Variants in ADCY1 observed in about 807,000 individuals in gnomAD.
The protein encoded by ADCY1 is adenylate cyclase type 1.
Under a neutral mutation model 105.4 loss-of-function variants are expected in ADCY1, and 28 were observed. The ratio of observed to expected loss-of-function variants is 0.27; its 90% confidence interval spans 0.20 to 0.36. ADCY1 has a LOEUF of 0.36. Ranked by LOEUF, ADCY1 falls within the 10% of genes least tolerant of loss-of-function variation. The probability of loss-of-function intolerance (pLI) is 1.00; values close to 1 mark genes in which losing one functional copy is unlikely to be tolerated. For synonymous variants in ADCY1, 655 were observed against 623.8 expected, an observed-to-expected ratio of 1.05 and a Z score of -0.75; for missense variants, 977 against 1,434.2, an observed-to-expected ratio of 0.68 and a Z score of 5.15.
chr7:45,679,621 G>T, intron 10 of ADCY1, 88 bp from the exon 11 acceptor site: 1 of 1,320,622 alleles, frequency 7.6e-7, no homozygotes. Flanking sequence ...CAGGGGATGT[G>T]GAGGGAGGGG....
At chr7:45,699,428 A>T (rs559818011) in intron 14 of ADCY1, among the ~76,000 whole-genome samples, 106 of 152,310 alleles carry the variant, frequency 7.0e-4, no homozygotes, top group Non-Finnish European at 1.3e-3. Context: ...AACGCAGATA[A>T]CTGCTCAAGG....
chr7:45,651,715 T>C (rs1188326303), intron 5 of ADCY1, among the ~76,000 whole-genome samples: 6 of 152,214 alleles, frequency 3.9e-5, no homozygotes, highest in Admixed American at 2.0e-4. Flanking sequence ...GAGCGGGCCA[T>C]GCCCCAAGAC....
chr7:45,704,894 C>T (rs1459615380), intron 17 of ADCY1, among the ~76,000 whole-genome samples: 2 of 151,920 alleles, frequency 1.3e-5, no homozygotes, highest in South Asian at 2.1e-4. Context: ...TCCATTACCT[C>T]CCGCACTGGC....
At chr7:45,628,130 C>G (rs1794117521) in intron 4 of ADCY1, among the ~76,000 whole-genome samples, 1 of 152,204 alleles carries the variant, frequency 6.6e-6, no homozygotes, top group Admixed American at 6.5e-5. Flanking sequence ...TCATCAGAGT[C>G]TTAGGGATAA....
chr7:45,629,509 CTT>C (rs34705083), intron 4 of ADCY1, among the ~76,000 whole-genome samples: 51 of 129,344 alleles, frequency 3.9e-4, no homozygotes, highest in East Asian at 5.1e-4. Flanking sequence ...GTATGCTTAA[CTT>C]TTTTTTTTTT....
intron 10 of ADCY1, among the ~76,000 whole-genome samples, chr7:45,679,077 T>G (rs1784512686): frequency 6.6e-6 from 1 of 151,902 alleles, no homozygotes; most frequent in South Asian, 2.1e-4. Flanking sequence ...TTTATTTTAT[T>G]TTTTTTGCAA....
intron 14 of ADCY1, among the ~76,000 whole-genome samples, chr7:45,700,717 T>C (rs2461120): frequency 0.98 from 149,248 of 152,338 alleles, 73,167 homozygotes; most frequent in East Asian, 1. Context: ...AGGAGGGAGG[T>C]GGGGACATCA....
chr7:45,721,912 C>G lies in ADCY1; in HGVS notation c.*7917C>G. On this transcript the variant is annotated 3_prime_UTR_variant, in exon 20 of 20. Coordinates refer to ENST00000297323, the MANE Select transcript of ADCY1 (RefSeq NM_021116.4). ...TTAATGTTTAAACAGACATAATAGC[C>G]TAGATGAACTCCCAAGAGATCTATT... 2.5e-6 allele frequency: 1 copy of G among 398,504 alleles called. No homozygotes were observed. The highest frequency in any genetic ancestry group is 4.4e-6 in the Non-Finnish European group (1 of 226,052). The allele number at this position is 398,504 out of a possible 1,614,324, so 24.7% of individuals were successfully genotyped here.
chr7:45,645,155 T>C (rs1794625472), intron 4 of ADCY1, among the ~76,000 whole-genome samples: 1 of 152,116 alleles, frequency 6.6e-6, no homozygotes, highest in Non-Finnish European at 1.5e-5. Flanking sequence ...CACATGACCA[T>C]GTGCATGTGG....
intron 14 of ADCY1, among the ~76,000 whole-genome samples, chr7:45,692,385 G>A (rs1324055775): frequency 6.6e-6 from 1 of 152,180 alleles, no homozygotes; most frequent in Non-Finnish European, 1.5e-5. Flanking sequence ...GTGCTCACAG[G>A]CTGTTAAAGG....
At chr7:45,618,456 A>C (rs1793801966) in intron 3 of ADCY1, among the ~76,000 whole-genome samples, 1 of 152,248 alleles carries the variant, frequency 6.6e-6, no homozygotes, top group South Asian at 2.1e-4. Context: ...GGATAGGATA[A>C]AACATTTGTA....
At chr7:45,679,642 G>A in intron 10 of ADCY1, 67 bp from the exon 11 acceptor site, 3 of 1,538,908 alleles carry the variant, frequency 1.9e-6, no homozygotes, top group Non-Finnish European at 2.7e-6. Flanking sequence ...CCAATTCTCA[G>A]CCATCTCTTG....
chr7:45,574,889 G>GTGCCCCAGC lies in ADCY1; in HGVS notation c.350_358dup (p.Pro117_Leu119dup), dbSNP rs1792286239. Reference sequence around the variant, plus strand: ...GGTAACCAACGTCCGGTCCCTGCAGGTGCCCCAGCTGCAGCAGGTCGGCCA... The same window carrying GTGCCCCAGC: ...GGTAACCAACGTCCGGTCCCTGCAGGTGCCCCAGCTGCCCCAGCTGCAGCAGGTCGGCCA... On this transcript the variant is annotated inframe_insertion, in exon 1 of 20. Coordinates refer to ENST00000297323, the MANE Select transcript of ADCY1 (RefSeq NM_021116.4). This position sits in a 1 kb window ranked among gnomAD's most constrained non-coding sequence, Gnocchi z 7.0. 6.2e-7 allele frequency: 1 copy of GTGCCCCAGC among 1,611,776 alleles called. No individual in the cohort carries two copies.
intron 2 of ADCY1, among the ~76,000 whole-genome samples, chr7:45,593,708 A>G (rs1792992093): frequency 6.6e-6 from 1 of 152,250 alleles, no homozygotes; most frequent in African/African-American, 2.4e-5. Context: ...TCAGGCCTGT[A>G]GCTGACATAT....
chr7:45,690,476 G>T (rs980614233), intron 14 of ADCY1, among the ~76,000 whole-genome samples: 1 of 152,226 alleles, frequency 6.6e-6, no homozygotes, highest in Admixed American at 6.5e-5. Flanking sequence ...CATGCAAAGA[G>T]GAACTGGGAA....
At chr7:45,582,465 G>A (rs950099163) in intron 1 of ADCY1, among the ~76,000 whole-genome samples, 2 of 152,126 alleles carry the variant, frequency 1.3e-5, no homozygotes, top group Admixed American at 1.3e-4. Flanking sequence ...AGCTGTGGAG[G>A]CAGGGACCGG....
rs150225572 is a variant in ADCY1, at chr7:45,703,447, G to C, written c.2526G>C (p.Pro842=). The change falls in exon 15 of 20, where the codon CCG becomes CCC. Residue 842 remains proline (P), a synonymous_variant. Transcript: ENST00000297323. The surrounding 1 kb of genome is among the most constrained non-coding windows in gnomAD (Gnocchi z 5.9). ...GGCGCATCCTCTTCAACCTCCTGCC[G>C]GCCCACGTCGCCCAGCACTTCCTCA... ...DNRRILFNLL[P]AHVAQHFLMS... 1 of 1,614,052 alleles carries C rather than the reference G, an allele frequency of 6.2e-7. No individual in the cohort carries two copies. Among genetic ancestry groups the C allele is most frequent in the Non-Finnish European group, 8.5e-7 (1 of 1,179,986 alleles).
At position 45,686,292 on chromosome 7, in the gene ADCY1, G is replaced by T; in HGVS notation, c.2327+77G>T. 6.5e-7 allele frequency: 1 copy of T among 1,538,242 alleles called. No individual in the cohort carries two copies. The highest frequency in any genetic ancestry group is 8.8e-7 in the Non-Finnish European group (1 of 1,139,930). ...CTGTGTATACAGATATGCACTACAG[G>T]CTTCTGAGTCCAGAACTAGTCAAGT... On this transcript the variant is annotated intron_variant, in intron 13 of 19. Coordinates refer to ENST00000297323, the MANE Select transcript of ADCY1 (RefSeq NM_021116.4). The surrounding 1 kb of genome is among the most constrained non-coding windows in gnomAD (Gnocchi z 4.3).
chr7:45,642,551 T>A (rs1226021863), intron 4 of ADCY1, among the ~76,000 whole-genome samples: 2 of 152,224 alleles, frequency 1.3e-5, no homozygotes. Flanking sequence ...TTGGCTTCTA[T>A]GAACTGGTAG....
Sources: allele counts gnomAD v4.1 joint callset (sites outside exome capture counted in the v4.1 genomes callset), GRCh38; gene constraint gnomAD v4.1.1; non-coding constraint Gnocchi (gnomAD v3.1); transcripts MANE v1.5; gene names NCBI Gene and HGNC (gene_info 2026-07-23, HGNC 2026-07-21).